The following FBXL2 variants were observed in gnomAD, a reference collection of about 807,000 sequenced individuals.
FBXL2 encodes the protein F-box and leucine rich repeat protein 2, also known as F-box/LRR-repeat protein 2.
Under a neutral mutation model 69.2 loss-of-function variants are expected in FBXL2, and 38 were observed. The observed-to-expected ratio is 0.55, with a 90% CI of 0.42 to 0.72. FBXL2 has a LOEUF of 0.72. Among genes scored for constraint, FBXL2 ranks in the 30% least tolerant of loss-of-function variants. The probability of loss-of-function intolerance (pLI) is 0.00; values close to 1 mark genes in which losing one functional copy is unlikely to be tolerated. For synonymous variants in FBXL2, 192 were observed against 201.3 expected, an observed-to-expected ratio of 0.95 and a Z score of 0.39; for missense variants, 354 against 520.3, an observed-to-expected ratio of 0.68 and a Z score of 3.11.
intron 2 of FBXL2, among the ~76,000 whole-genome samples, chr3:33,299,027 T>TTTATTTATTTATTTA (rs1553634500): frequency 2.7e-5 from 4 of 146,092 alleles, no homozygotes; most frequent in South Asian, 2.2e-4. Flanking sequence ...ATTTTTTTAA[T>TTTATTTATTTATTTA]TTTATTTATT....
chr3:33,393,589 T>A (rs2043853161), intron 12 of FBXL2: 1 of 765,148 alleles, frequency 1.3e-6, no homozygotes, highest in South Asian at 3.4e-5. Flanking sequence ...TAAATGGGAA[T>A]AAACTATTTC....
intron 1 of FBXL2, among the ~76,000 whole-genome samples, chr3:33,281,161 A>G (rs1469168456): frequency 6.6e-6 from 1 of 152,156 alleles, no homozygotes; most frequent in African/African-American, 2.4e-5. Flanking sequence ...TGTCATTTAC[A>G]TTAGGTATAT....
At chr3:33,313,295 T>G (rs1308583686) in intron 2 of FBXL2, among the ~76,000 whole-genome samples, 1 of 151,808 alleles carries the variant, frequency 6.6e-6, no homozygotes, top group East Asian at 1.9e-4. Flanking sequence ...CCTGGTAAAC[T>G]AAAGATTTCT....
At position 33,385,693 on chromosome 3, in the gene FBXL2, A is replaced by C. The variant is rs903895078; in HGVS notation, c.*85A>C. Reference sequence around the variant, plus strand: ...TTCCTGACCGACTCCACCATCACCCAATCTGTTGATTCTCCATTGGGAAAG... The same window carrying C: ...TTCCTGACCGACTCCACCATCACCCCATCTGTTGATTCTCCATTGGGAAAG... On this transcript the variant is annotated 3_prime_UTR_variant, in exon 15 of 15. Transcript: ENST00000484457. The C allele has an allele frequency of 1.9e-6, 2 of 1,057,494 alleles. No homozygotes were observed. Among genetic ancestry groups the C allele is most frequent in the East Asian group, 2.4e-5 (1 of 42,174 alleles). The allele number at this position is 1,057,494 out of a possible 1,614,324, so 65.5% of individuals were successfully genotyped here.
At chr3:33,359,219 T>C in intron 3 of FBXL2, 64 bp from the exon 4 acceptor site, 1 of 1,390,978 alleles carries the variant, frequency 7.2e-7, no homozygotes, top group South Asian at 1.3e-5. Flanking sequence ...AGACTTTCTT[T>C]AATAGTCTCA....
intron 2 of FBXL2, among the ~76,000 whole-genome samples, chr3:33,350,818 TTAA>T: frequency 6.6e-6 from 1 of 152,240 alleles, no homozygotes; most frequent in East Asian, 1.9e-4. Flanking sequence ...ACCACTCCTG[TTAA>T]TCACAGTATT....
At chr3:33,310,308 C>T (rs1285367727) in intron 2 of FBXL2, among the ~76,000 whole-genome samples, 7 of 151,862 alleles carry the variant, frequency 4.6e-5, no homozygotes, top group Non-Finnish European at 7.4e-5. Context: ...CACGCCACCA[C>T]GCCTGGCTAA....
At chr3:33,316,561 T>C (rs2037715555) in intron 2 of FBXL2, among the ~76,000 whole-genome samples, 1 of 152,174 alleles carries the variant, frequency 6.6e-6, no homozygotes, top group Non-Finnish European at 1.5e-5. Flanking sequence ...TATCATCAGC[T>C]GCTGTTCTCA....
At chr3:33,408,474 G>A (rs2044489231), downstream of FBXL2, among the ~76,000 whole-genome samples, 1 of 152,032 alleles carries the variant, frequency 6.6e-6, no homozygotes, top group African/African-American at 2.4e-5. Context: ...ACCCAATATG[G>A]TCAACATTGT....
chr3:33,295,988 C>T (rs1032486873), intron 1 of FBXL2, among the ~76,000 whole-genome samples: 3 of 152,100 alleles, frequency 2.0e-5, no homozygotes, highest in Non-Finnish European at 4.4e-5. Context: ...CTGTGATTTG[C>T]GGATATTGTC....
chr3:33,360,247 G>C (rs1289539570), intron 4 of FBXL2, among the ~76,000 whole-genome samples: 1 of 152,084 alleles, frequency 6.6e-6, no homozygotes, highest in Non-Finnish European at 1.5e-5. Flanking sequence ...ATAAGGAAAT[G>C]AATGTGTTTA....
chr3:33,410,533 T>C, the FBXL2 span, among the ~76,000 whole-genome samples: 2 of 152,066 alleles, frequency 1.3e-5, no homozygotes, highest in Non-Finnish European at 2.9e-5. Context: ...AAAATACAAA[T>C]GATTTTTTAC....
intron 2 of FBXL2, among the ~76,000 whole-genome samples, chr3:33,310,495 GA>G (rs1456306398): frequency 6.6e-5 from 10 of 152,064 alleles, no homozygotes; most frequent in Admixed American, 1.3e-4. Flanking sequence ...AAACATATGT[GA>G]CTTATATATG....
At chr3:33,311,206 T>G (rs1344397405) in intron 2 of FBXL2, among the ~76,000 whole-genome samples, 1 of 152,196 alleles carries the variant, frequency 6.6e-6, no homozygotes, top group Non-Finnish European at 1.5e-5. Flanking sequence ...TCTCTTTCTT[T>G]AATTTTTGAC....
intron 5 of FBXL2, among the ~76,000 whole-genome samples, chr3:33,370,533 G>A (rs1575374086): frequency 6.6e-6 from 1 of 151,972 alleles, no homozygotes; most frequent in African/African-American, 2.4e-5. Context: ...TGATAAATCT[G>A]CTGTCACCCT....
chr3:33,384,193 C>T lies in FBXL2; in HGVS notation c.1156C>T (p.Arg386Trp), dbSNP rs1490744004. Residue 386 changes from arginine (R) to tryptophan (W), a missense_variant, in exon 14 of 15, where the codon CGG becomes TGG. Coordinates refer to ENST00000484457, the MANE Select transcript of FBXL2 (RefSeq NM_012157.5). The stretch of plus-strand genomic sequence containing the variant: ...GCAGGTTACCCGTGCAGGCATCAAG[C>T]GGATGCGGGTAGGTATGGGGCAGGG... The part of the protein sequence containing the change: ...CQQVTRAGIK[R>W]MRAQLPHVKV... The T allele has an allele frequency of 3.1e-6, 5 of 1,613,888 alleles. No homozygotes were observed. Among genetic ancestry groups the T allele is most frequent in the Non-Finnish European group, 2.5e-6 (3 of 1,179,954 alleles).
intron 10 of FBXL2, among the ~76,000 whole-genome samples, chr3:33,376,203 G>T (rs2042631340): frequency 6.6e-6 from 1 of 151,702 alleles, no homozygotes; most frequent in South Asian, 2.1e-4. Context: ...CATCCTCAAG[G>T]TAATAGATTA....
intron 12 of FBXL2, among the ~76,000 whole-genome samples, chr3:33,394,837 T>TTTTA (rs1553670571): frequency 6.7e-6 from 1 of 150,182 alleles, no homozygotes; most frequent in Non-Finnish European, 1.5e-5. Context: ...TTTTTTTTTT[T>TTTTA]AAATAAAGTT....
At chr3:33,379,415 C>T (rs752596242) in intron 13 of FBXL2, among the ~76,000 whole-genome samples, 11 of 152,026 alleles carry the variant, frequency 7.2e-5, no homozygotes, top group African/African-American at 9.7e-5. Flanking sequence ...ACTGCAGTGG[C>T]GCGACCTCAG....
Sources: allele counts gnomAD v4.1 joint callset (sites outside exome capture counted in the v4.1 genomes callset), GRCh38; gene constraint gnomAD v4.1.1; transcripts MANE v1.5; gene names NCBI Gene and HGNC (gene_info 2026-07-23, HGNC 2026-07-21).